DCLK1: variants seen among roughly 807,000 people sequenced by gnomAD.
DCLK1 encodes the protein doublecortin like kinase 1.
A neutral mutation model predicts 86.2 loss-of-function variants in DCLK1; 16 were observed. The observed-to-expected ratio is 0.19, with a 90% CI of 0.13 to 0.28. The LOEUF (loss-of-function observed/expected upper bound fraction) is 0.28. Ranked by LOEUF, DCLK1 falls within the 10% of genes least tolerant of loss-of-function variation. The pLI is 1.00. For synonymous variants in DCLK1, 369 were observed against 370.5 expected, an observed-to-expected ratio of 1.00 and a Z score of 0.05; for missense variants, 590 against 940.2, an observed-to-expected ratio of 0.63 and a Z score of 4.87.
intron 16 of DCLK1, among the ~76,000 whole-genome samples, chr13:35,789,862 C>A (rs911648411): frequency 4.6e-5 from 7 of 152,002 alleles, no homozygotes; most frequent in Admixed American, 3.3e-4. Context: ...ATTTTAATAA[C>A]CTTTTGTTTC....
intron 4 of DCLK1, among the ~76,000 whole-genome samples, chr13:35,945,208 T>C (rs965277496): frequency 6.6e-6 from 1 of 152,140 alleles, no homozygotes; most frequent in South Asian, 2.1e-4. Flanking sequence ...CCTGTGGGCA[T>C]TGAGAAATAA....
chr13:35,853,471 A>G (rs1418450515), intron 6 of DCLK1, among the ~76,000 whole-genome samples: 1 of 152,182 alleles, frequency 6.6e-6, no homozygotes, highest in Non-Finnish European at 1.5e-5. Flanking sequence ...AGGAGATGGG[A>G]ACCAACTGAA....
intron 15 of DCLK1, among the ~76,000 whole-genome samples, chr13:35,802,066 A>C (rs2086930999): frequency 6.6e-6 from 1 of 152,082 alleles, no homozygotes; most frequent in Non-Finnish European, 1.5e-5. Flanking sequence ...AGCTGTTCTC[A>C]CTACCCTGGA....
chr13:35,858,619 C>T (rs192984223), intron 5 of DCLK1, among the ~76,000 whole-genome samples: 13 of 152,298 alleles, frequency 8.5e-5, no homozygotes, highest in East Asian at 1.9e-4. Flanking sequence ...TCTCTACCAC[C>T]GGGACACTCG....
chr13:35,794,049 C>A (rs2086757424), intron 15 of DCLK1, among the ~76,000 whole-genome samples: 1 of 152,202 alleles, frequency 6.6e-6, no homozygotes, highest in African/African-American at 2.4e-5. Context: ...TTCAAATCAT[C>A]TGTTATTATG....
At chr13:36,094,874 G>A (rs1191448499) in intron 3 of DCLK1, among the ~76,000 whole-genome samples, 1 of 152,184 alleles carries the variant, frequency 6.6e-6, no homozygotes, top group Non-Finnish European at 1.5e-5. Flanking sequence ...TCAAGTGATG[G>A]GGAAAAGTTA....
intron 6 of DCLK1, among the ~76,000 whole-genome samples, chr13:35,851,732 C>G (rs145856110): frequency 6.6e-6 from 1 of 152,078 alleles, no homozygotes; most frequent in Non-Finnish European, 1.5e-5. Context: ...TACATTGCCA[C>G]GAATATGCTT....
chr13:36,045,174 A>G (rs542112268), intron 3 of DCLK1, among the ~76,000 whole-genome samples: 1 of 148,940 alleles, frequency 6.7e-6, no homozygotes, highest in Admixed American at 6.7e-5. Flanking sequence ...CAACACTCAG[A>G]CCCTGCCATT....
chr13:35,966,850 G>A (rs1044070373), intron 3 of DCLK1, among the ~76,000 whole-genome samples: 14 of 151,866 alleles, frequency 9.2e-5, no homozygotes, highest in African/African-American at 3.4e-4. Flanking sequence ...ATCTCCGCTC[G>A]CTACCACCTC....
chr13:35,947,765 C>T (rs1877464329), intron 3 of DCLK1, among the ~76,000 whole-genome samples: 1 of 152,210 alleles, frequency 6.6e-6, no homozygotes, highest in Admixed American at 6.5e-5. Context: ...TGCAGTGCCC[C>T]TTTCCTCTTC....
chr13:35,927,177 C>G lies in DCLK1; in HGVS notation c.823+20181G>C, dbSNP rs1245637197. 2.0e-5 allele frequency among the ~76,000 whole-genome samples: 3 copies of G among 152,176 alleles called. No homozygotes were observed. In the East Asian group the frequency reaches 5.8e-4, roughly 29 times the overall value. On this transcript the variant is annotated intron_variant, in intron 4 of 16. Coordinates refer to ENST00000360631, the MANE Select transcript of DCLK1 (RefSeq NM_001330071.2). The stretch of plus-strand genomic sequence containing the variant: ...TATGGAGCAAAAGTAATCCAGTTTC[C>G]AAATTATCTGTCTGAAGGAAATAAT...
intron 3 of DCLK1, among the ~76,000 whole-genome samples, chr13:36,017,495 G>A (rs989109156): frequency 2.0e-5 from 3 of 152,242 alleles, no homozygotes; most frequent in Non-Finnish European, 2.9e-5. Flanking sequence ...CTATAAAAAC[G>A]TATGACTCGA....
chr13:35,862,052 A>G (rs1871437093), intron 5 of DCLK1, among the ~76,000 whole-genome samples: 1 of 150,116 alleles, frequency 6.7e-6, no homozygotes. Context: ...AAAAAAAAAA[A>G]AAAAGAAATG....
intron 16 of DCLK1, among the ~76,000 whole-genome samples, chr13:35,776,665 G>A (rs1371106371): frequency 6.6e-6 from 1 of 152,228 alleles, no homozygotes; most frequent in East Asian, 1.9e-4. Context: ...TCCCAGAAAT[G>A]TAAGGTGTTC....
chr13:35,920,458 A>G (rs1875731354), intron 4 of DCLK1, among the ~76,000 whole-genome samples: 1 of 152,190 alleles, frequency 6.6e-6, no homozygotes, highest in Non-Finnish European at 1.5e-5. Context: ...CAAAACCAAA[A>G]GCTTGAACAG....
intron 3 of DCLK1, among the ~76,000 whole-genome samples, chr13:35,964,797 A>C (rs970953542): frequency 6.8e-6 from 1 of 147,136 alleles, no homozygotes; most frequent in African/African-American, 2.5e-5. Context: ...AAAAAAAAAA[A>C]ACTCAAGCGA....
chr13:35,958,253 TACCACTAC>T (rs1878225969), intron 3 of DCLK1, among the ~76,000 whole-genome samples: 1 of 11,232 alleles, frequency 8.9e-5, no homozygotes. Context: ...CCACCACCAC[TACCACTAC>T]TATAACCATT....
At chr13:35,911,550 G>A (rs1875034347) in intron 4 of DCLK1, among the ~76,000 whole-genome samples, 1 of 152,166 alleles carries the variant, frequency 6.6e-6, no homozygotes, top group Admixed American at 6.5e-5. Context: ...TAGACCCTAG[G>A]ATGTCTCTGC....
intron 3 of DCLK1, among the ~76,000 whole-genome samples, chr13:36,072,421 A>G (rs1884012208): frequency 6.6e-6 from 1 of 152,098 alleles, no homozygotes; most frequent in Non-Finnish European, 1.5e-5. Context: ...TCCCTTCTCT[A>G]ATGACACGTA....
Sources: allele counts gnomAD v4.1 joint callset (sites outside exome capture counted in the v4.1 genomes callset), GRCh38; gene constraint gnomAD v4.1.1; transcripts MANE v1.5; gene names NCBI Gene and HGNC (gene_info 2026-07-23, HGNC 2026-07-21).